Variants in CRTC3 observed in about 807,000 individuals in gnomAD.
CRTC3 encodes CREB-regulated transcription coactivator 3.
In CRTC3, 26 loss-of-function variants were observed where a neutral mutation model predicts 74.5. The observed-to-expected ratio is 0.35, with a 90% CI of 0.26 to 0.48. The LOEUF (loss-of-function observed/expected upper bound fraction) is 0.48, where lower values mean the gene tolerates loss of function less well. CRTC3 is among the 20% of genes least tolerant of loss of function. The probability of loss-of-function intolerance (pLI) is 0.99; values close to 1 mark genes in which losing one functional copy is unlikely to be tolerated. For synonymous variants in CRTC3, 377 were observed against 325.8 expected (o/e 1.16, Z -1.69); for missense variants, 760 against 787.3 (o/e 0.97, Z 0.41).
chr15:90,643,522 C>G lies in CRTC3; in HGVS notation c.*1382C>G, dbSNP rs369428240. 1.3e-5 allele frequency: 3 copies of G among 228,528 alleles called. No homozygotes were observed. Among genetic ancestry groups the G allele is most frequent in the South Asian group, 1.8e-4 (1 of 5,478 alleles). The allele number at this position is 228,528 out of a possible 1,614,324, so 14.2% of individuals were successfully genotyped here. A position where few individuals can be genotyped will look rare whatever the true frequency, so the allele number is the denominator to read the frequency against. ...AGGAAGATCTTCCTTCTCAGATCCA[C>G]GTTTGGCTCTAAATTGCTTCAAGTA... is the stretch of plus-strand genomic sequence containing the variant. On this transcript the variant is annotated 3_prime_UTR_variant, in exon 15 of 15. Transcript: ENST00000268184.
intron 11 of CRTC3, among the ~76,000 whole-genome samples, chr15:90,637,336 T>C (rs1415735784): frequency 6.6e-6 from 1 of 152,014 alleles, no homozygotes; most frequent in Non-Finnish European, 1.5e-5. Flanking sequence ...TTCTCACTCA[T>C]AGGTGGGAAT....
intron 7 of CRTC3, among the ~76,000 whole-genome samples, chr15:90,617,349 C>T (rs556772635): frequency 6.6e-6 from 1 of 152,302 alleles, no homozygotes; most frequent in Admixed American, 6.5e-5. Context: ...AGGTTGAATC[C>T]ATGTCTTACT....
At chr15:90,543,709 T>A (rs1359171759) in intron 2 of CRTC3, among the ~76,000 whole-genome samples, 2 of 152,320 alleles carry the variant, frequency 1.3e-5, no homozygotes, top group South Asian at 2.1e-4. Context: ...AGCACAGATT[T>A]TTTTTAAGTA....
intron 2 of CRTC3, among the ~76,000 whole-genome samples, chr15:90,548,867 A>G (rs28547106): frequency 5.9e-5 from 9 of 152,238 alleles, no homozygotes; most frequent in African/African-American, 1.9e-4. Context: ...GACTGAGCCA[A>G]TATTCAAAAT....
intron 6 of CRTC3, among the ~76,000 whole-genome samples, chr15:90,608,404 C>A (rs1016812097): frequency 3.9e-5 from 6 of 152,126 alleles, no homozygotes; most frequent in Non-Finnish European, 8.8e-5. Context: ...GGTAGCCATG[C>A]GAACCACTTT....
chr15:90,583,271 C>T (rs939056082), intron 2 of CRTC3, among the ~76,000 whole-genome samples: 5 of 152,174 alleles, frequency 3.3e-5, no homozygotes, highest in African/African-American at 4.8e-5. Context: ...TCTGGAGTCA[C>T]CTTTTAACTT....
At position 90,620,382 on chromosome 15, in the gene CRTC3, TG is replaced by T. The variant is rs1294583865; in HGVS notation, c.749+593del. Reference sequence around the variant, plus strand: ...AAAAGTTTCTATGAAACCATTAATTTGTTAGTGGATTTAATAGTATGCAACT... The same window carrying T: ...AAAAGTTTCTATGAAACCATTAATTTTTAGTGGATTTAATAGTATGCAACT... On this transcript the variant is annotated intron_variant, in intron 9 of 14. Transcript: ENST00000268184. Among the ~76,000 whole-genome samples, 13 of 152,322 alleles carry T rather than the reference TG, an allele frequency of 8.5e-5. No homozygotes were observed. In the East Asian group the frequency reaches 2.5e-3, roughly 29 times the overall value.
chr15:90,578,034 G>A (rs1049907917), intron 2 of CRTC3, among the ~76,000 whole-genome samples: 1 of 152,078 alleles, frequency 6.6e-6, no homozygotes, highest in Non-Finnish European at 1.5e-5. Context: ...TCAGCCTCCC[G>A]AGTAGCTAGT....
chr15:90,600,411 T>C (rs1968037896), intron 3 of CRTC3: 1 of 35,976 alleles, frequency 2.8e-5, no homozygotes, highest in Non-Finnish European at 5.4e-5. Flanking sequence ...TACCTTCTCT[T>C]ATAGCCTCCA....
chr15:90,603,932 T>C (rs1968149913), intron 4 of CRTC3, among the ~76,000 whole-genome samples: 1 of 152,200 alleles, frequency 6.6e-6, no homozygotes, highest in African/African-American at 2.4e-5. Context: ...TCCAAACTGT[T>C]ATTTTTCTTT....
intron 9 of CRTC3, chr15:90,620,119 C>G (rs1039199676): frequency 2.0e-5 from 6 of 295,766 alleles, no homozygotes; most frequent in Non-Finnish European, 3.2e-5. Context: ...CCTACCAGCC[C>G]CGAGCTGTGG....
intron 2 of CRTC3, among the ~76,000 whole-genome samples, chr15:90,566,466 C>G (rs1186571291): frequency 1.3e-5 from 2 of 151,170 alleles, no homozygotes; most frequent in African/African-American, 4.9e-5. Flanking sequence ...AGGAGAATTG[C>G]TTGAACCCAG....
chr15:90,638,423 G>A (rs1326430297), intron 11 of CRTC3, 23 bp from the exon 12 acceptor site: 1 of 1,608,140 alleles, frequency 6.2e-7, no homozygotes, highest in Non-Finnish European at 8.5e-7. Context: ...GCTCATTAGT[G>A]GCTTTGTGTG....
At chr15:90,543,500 ATTATT>A (rs770933261) in intron 2 of CRTC3, among the ~76,000 whole-genome samples, 4 of 152,066 alleles carry the variant, frequency 2.6e-5, no homozygotes, top group African/African-American at 4.8e-5. Flanking sequence ...ATTATAATCT[ATTATT>A]TTATTTATTC....
chr15:90,566,278 A>G (rs1395466954), intron 2 of CRTC3, among the ~76,000 whole-genome samples: 1 of 152,136 alleles, frequency 6.6e-6, no homozygotes, highest in African/African-American at 2.4e-5. Flanking sequence ...ACCCAGGCGC[A>G]GTTTCTCATG....
rs775258279 is a variant in CRTC3 at position 90,638,531 on chromosome 15, C to A, written c.1352C>A (p.Pro451His). 2 of 1,613,590 alleles carry A rather than the reference C, an allele frequency of 1.2e-6. No homozygotes were observed. Among genetic ancestry groups the A allele is most frequent in the Non-Finnish European group, 1.7e-6 (2 of 1,179,834 alleles). ...QVSPPPPYPAPQELTQPLLQQ... is the reference protein window; with the variant it reads ...QVSPPPPYPAHQELTQPLLQQ... ...TCGCCGCCACCCCCTTACCCTGCACCCCAGGAGCTCACCCAGCCCCTCCTG... is the reference window on the plus strand; with the variant it reads ...TCGCCGCCACCCCCTTACCCTGCACACCAGGAGCTCACCCAGCCCCTCCTG... Residue 451 changes from proline to histidine, a missense_variant, in exon 12 of 15, where the codon CCC becomes CAC. This residue lies in a region of CRTC3 where 652 missense variants were observed against 635.2 expected (regional missense o/e 1.03). Transcript: ENST00000268184.
chr15:90,563,239 C>G (rs1216566877), intron 2 of CRTC3, among the ~76,000 whole-genome samples: 2 of 151,958 alleles, frequency 1.3e-5, no homozygotes, highest in Non-Finnish European at 2.9e-5. Context: ...AACCCTGTCT[C>G]TACTAAAAAT....
Position 90,629,417 on chromosome 15 carries a change from G to A in CRTC3, c.1151G>A (p.Arg384Gln), listed in dbSNP as rs778206693. The change falls in exon 11 of 15, where the codon CGG becomes CAG. Residue 384 changes from arginine to glutamine, a missense_variant. Physicochemically the swap from Arg to Gln is conservative, Grantham distance 43 (BLOSUM62 1). Around this residue, in one of 2 missense-constraint regions of CRTC3, gnomAD observed 652 missense variants for 635.2 expected, o/e 1.03. Transcript: ENST00000268184. ...ACCACAAACCTGAGCGGCCCGTCTCGGCGTCGGCAGCCTCCCGTCAGCCCT... is the reference window on the plus strand; with the variant it reads ...ACCACAAACCTGAGCGGCCCGTCTCAGCGTCGGCAGCCTCCCGTCAGCCCT... The part of the protein sequence containing the change: ...LSTTNLSGPS[R>Q]RRQPPVSPLT... 7 of 1,613,812 alleles carry A rather than the reference G, an allele frequency of 4.3e-6. No individual in the cohort carries two copies. Among genetic ancestry groups the A allele is most frequent in the Middle Eastern group, 1.6e-4 (1 of 6,084 alleles).
At chr15:90,604,527 C>T (rs1968166400) in intron 5 of CRTC3, 80 bp downstream of exon 5, 2 of 1,097,348 alleles carry the variant, frequency 1.8e-6, no homozygotes, top group Admixed American at 3.5e-5. Context: ...CATCCAGTTG[C>T]CAGAGTGTGT....
Sources: allele counts gnomAD v4.1 joint callset (sites outside exome capture counted in the v4.1 genomes callset), GRCh38; gene constraint gnomAD v4.1.1; regional missense constraint gnomAD v4.1.1; transcripts MANE v1.5; gene names NCBI Gene and HGNC (gene_info 2026-07-23, HGNC 2026-07-21).